Variants in EIF2S3 observed in about 807,000 individuals in gnomAD.
EIF2S3 encodes the protein eukaryotic translation initiation factor 2 subunit 3.
A neutral mutation model predicts 31.7 loss-of-function variants in EIF2S3; 2 were observed. The observed-to-expected ratio is 0.06, with a 90% CI of 0.03 to 0.20. The LOEUF is 0.20. EIF2S3 is among the 10% of genes least tolerant of loss of function. The probability of loss-of-function intolerance (pLI) is 1.00; values close to 1 mark genes in which losing one functional copy is unlikely to be tolerated. For synonymous variants in EIF2S3, 120 were observed against 126.7 expected (o/e 0.95, Z 0.36); for missense variants, 96 against 359.3 (o/e 0.27, Z 5.92).
chrX:24,062,679 A>C, intron 6 of EIF2S3, 105 bp downstream of exon 6: 1 of 937,467 alleles, frequency 1.1e-6, no homozygotes. Flanking sequence ...AAAACAAGGT[A>C]AACTTACAAG....
intron 9 of EIF2S3, among the ~76,000 whole-genome samples, chrX:24,071,253 C>T (rs1004337469): frequency 2.1e-4 from 23 of 107,205 alleles, no homozygotes; most frequent in African/African-American, 7.9e-4. Flanking sequence ...TGCAGTGGTG[C>T]GATCTCGGCT....
intron 4 of EIF2S3, among the ~76,000 whole-genome samples, chrX:24,059,322 A>G (rs186708355): frequency 2.5e-3 from 281 of 112,363 alleles, no homozygotes; most frequent in African/African-American, 8.7e-3. Context: ...GTGACTCTGA[A>G]TGAATACCAT....
At chrX:24,057,604 A>G in intron 3 of EIF2S3, 29 bp from the exon 4 acceptor site, 2 of 1,209,747 alleles carry the variant, frequency 1.7e-6, no homozygotes, top group Non-Finnish European at 2.2e-6. Flanking sequence ...CAGATAACAA[A>G]TCAAAATCTT....
intron 2 of EIF2S3, among the ~76,000 whole-genome samples, chrX:24,056,537 A>C (rs761661127): frequency 3.6e-5 from 4 of 111,866 alleles, no homozygotes; most frequent in Non-Finnish European, 7.5e-5. Context: ...TACCTGTTTA[A>C]TCTGGAAATG....
intron 1 of EIF2S3, among the ~76,000 whole-genome samples, 165 bp downstream of exon 1, chrX:24,055,202 C>G (rs1488259233): frequency 9.0e-6 from 1 of 111,620 alleles, no homozygotes; most frequent in African/African-American, 3.3e-5. Context: ...CCGCCTGTAC[C>G]CAGGCCAGTC....
chrX:24,059,283 A>G lies in EIF2S3; in HGVS notation c.384-805A>G, dbSNP rs375075571. On this transcript the variant is annotated intron_variant, in intron 4 of 11. Transcript: ENST00000253039. ...GCTGACCTCTGTTTTAGATCATGACAATGTGAGCATGCGATTAAAAAAACA... is the reference window on the plus strand; with the variant it reads ...GCTGACCTCTGTTTTAGATCATGACGATGTGAGCATGCGATTAAAAAAACA... Among the ~76,000 whole-genome samples the G allele has an allele frequency of 1.1e-4, 12 of 112,168 alleles. No individual in the cohort carries two copies. In the East Asian group the frequency reaches 3.3e-3, roughly 31 times the overall value.
chrX:24,069,476 A>C (rs1343917318), intron 9 of EIF2S3, among the ~76,000 whole-genome samples: 1 of 108,276 alleles, frequency 9.2e-6, no homozygotes, highest in Non-Finnish European at 1.9e-5. Context: ...TGGGAAGCTG[A>C]GGTGGGAAGA....
rs1602046085 is a variant in EIF2S3 at position 24,068,062 on chromosome X, T to C, written c.966T>C (p.Phe322=). 8.3e-7 allele frequency: 1 copy of C among 1,205,416 alleles called. No individual in the cohort carries two copies. Among genetic ancestry groups the C allele is most frequent in the East Asian group, 3.0e-5 (1 of 33,719 alleles). The change falls in exon 9 of 12, where the codon TTT becomes TTC. Residue 322 remains phenylalanine, a synonymous_variant. Transcript: ENST00000253039. ...KPIFSKIVSL[F]AEHNDLQYAA... ...TCTTTTCCAAAATTGTATCACTTTT[T>C]GCGGAGCATAATGATCTGCAATATG...
At chrX:24,070,747 C>CT (rs1930657483) in intron 9 of EIF2S3, among the ~76,000 whole-genome samples, 1 of 111,536 alleles carries the variant, frequency 9.0e-6, no homozygotes, top group Non-Finnish European at 1.9e-5. Context: ...CATATGTAGT[C>CT]TTTAACTATC....
intron 11 of EIF2S3, 43 bp downstream of exon 11, chrX:24,073,306 A>C: frequency 8.6e-7 from 1 of 1,164,805 alleles, no homozygotes; most frequent in Non-Finnish European, 1.2e-6. Context: ...AAAAAAAGAC[A>C]CAGTCTTGTA....
chrX:24,076,924 C>CTTT lies in EIF2S3; in HGVS notation c.*140_*141insTTT, dbSNP rs747088489. 63 of 117,520 alleles carry CTTT rather than the reference C, an allele frequency of 5.4e-4. 2 individuals carry two copies. Among genetic ancestry groups the CTTT allele is most frequent in the African/African-American group, 2.1e-3 (23 of 11,082 alleles). 9.7% of individuals were successfully genotyped at this position (117,520 alleles called of 1,213,427 possible). A position where few individuals can be genotyped will look rare whatever the true frequency, so the allele number is the denominator to read the frequency against. ...CTTAGTAGGTAACGGTAAGGTTATT[C>CTTT]TCTTTTTTTTTTTTTTTTTTTTTGG... On this transcript the variant is annotated 3_prime_UTR_variant, in exon 12 of 12. Coordinates refer to ENST00000253039, the MANE Select transcript of EIF2S3 (RefSeq NM_001415.4).
chrX:24,071,756 C>G (rs372378918), intron 10 of EIF2S3, 29 bp downstream of exon 10: 16 of 1,190,313 alleles, frequency 1.3e-5, no homozygotes, highest in Non-Finnish European at 1.7e-5. Flanking sequence ...ATTCCTGTTT[C>G]TAAAAAAGTG....
rs1930553588 is a variant in EIF2S3, at chrX:24,065,214, A to G, written c.773-784A>G. The stretch of plus-strand genomic sequence containing the variant: ...AGAGGTCTATAAAGAAAATGTCCAT[A>G]ATCTCTCTGTCTTCAAGTTCTAGTT... On this transcript the variant is annotated intron_variant, in intron 7 of 11. Coordinates refer to ENST00000253039, the MANE Select transcript of EIF2S3 (RefSeq NM_001415.4). Among the ~76,000 whole-genome samples, 7 of 111,906 alleles carry G rather than the reference A, an allele frequency of 6.3e-5. No individual in the cohort carries two copies. In the South Asian group the frequency reaches 2.6e-3, roughly 41 times the overall value.
intron 2 of EIF2S3, 149 bp downstream of exon 2, chrX:24,055,827 T>G (rs973800375): frequency 1.8e-6 from 1 of 565,636 alleles, no homozygotes; most frequent in African/African-American, 2.3e-5. Context: ...ACATTTGCGG[T>G]GCAGGGGGAG....
In EIF2S3 at chrX:24,075,170, C is replaced by T. The variant is rs1348213323; in HGVS notation, c.1356-1552C>T. ...ATGAGCCACCACGCCTGACCTCTTT[C>T]TTCTTTTTTTTGGAACATTTCCTTA... On this transcript the variant is annotated intron_variant, in intron 11 of 11. Transcript: ENST00000253039. 5.4e-5 allele frequency among the ~76,000 whole-genome samples: 6 copies of T among 110,620 alleles called. No individual in the cohort carries two copies. In the East Asian group the frequency reaches 1.7e-3, roughly 31 times the overall value.
rs1930796415 is a variant in EIF2S3 at position 24,078,778 on chromosome X, G to T, written c.*1993G>T. Among the ~76,000 whole-genome samples the T allele has an allele frequency of 8.9e-6, 1 of 111,962 alleles. No individual in the cohort carries two copies. On this transcript the variant is annotated 3_prime_UTR_variant, in exon 12 of 12. Transcript: ENST00000253039. ...TTTGAAGGTTGTGTTGTAGCATGAG[G>T]AACACAAATAAAACAATTCTAAATC...
At chrX:24,062,632 G>C (rs1930509393) in intron 6 of EIF2S3, 58 bp downstream of exon 6, 1 of 1,108,909 alleles carries the variant, frequency 9.0e-7, no homozygotes, top group Non-Finnish European at 1.2e-6. Context: ...ATTTACTCTG[G>C]ATACCAGATG....
intron 11 of EIF2S3, among the ~76,000 whole-genome samples, chrX:24,074,862 CTTTTTTTTTTTT>C (rs758813480): frequency 2.5e-4 from 12 of 47,465 alleles, no homozygotes; most frequent in Middle Eastern, 0.033. Context: ...TTTTCTTCTT[CTTTTTTTTTTTT>C]TTTTTTTTTG....
chrX:24,076,816 G>T lies in EIF2S3; in HGVS notation c.*31G>T. The T allele has an allele frequency of 8.7e-7, 1 of 1,155,637 alleles. No individual in the cohort carries two copies. The highest frequency in any genetic ancestry group is 1.2e-6 in the Non-Finnish European group (1 of 861,682). On this transcript the variant is annotated 3_prime_UTR_variant, in exon 12 of 12. Transcript: ENST00000253039. Reference sequence around the variant, plus strand: ...ACCAGTTAAATAATACATTCGGATGGATTTGGAAGTTGGAATTCCTCTTAA... The same window carrying T: ...ACCAGTTAAATAATACATTCGGATGTATTTGGAAGTTGGAATTCCTCTTAA...
Sources: gnomAD v4.1 joint callset for allele counts (sites outside exome capture counted in the v4.1 genomes callset) on GRCh38, gnomAD v4.1.1 for gene constraint, MANE v1.5 for transcripts, NCBI Gene and HGNC (gene_info 2026-07-23, HGNC 2026-07-21) for gene names.